LARGE1: variants seen among roughly 807,000 people sequenced by gnomAD.
LARGE1 encodes the protein xylosyl- and glucuronyltransferase LARGE1.
In LARGE1, 43 loss-of-function variants were observed where a neutral mutation model predicts 87.6. The ratio of observed to expected loss-of-function variants is 0.49; its 90% CI spans 0.38 to 0.63. The LOEUF (loss-of-function observed/expected upper bound fraction) is 0.63, where lower values mean the gene tolerates loss of function less well. Ranked by LOEUF, LARGE1 falls within the 30% of genes least tolerant of loss-of-function variation. The pLI is 0.00. For synonymous variants in LARGE1, 434 were observed against 394.6 expected, an observed-to-expected ratio of 1.10 and a Z score of -1.18; for missense variants, 802 against 1,000.2, an observed-to-expected ratio of 0.80 and a Z score of 2.67.
intron 2 of LARGE1, among the ~76,000 whole-genome samples, chr22:33,746,811 G>C (rs1490245398): frequency 6.6e-6 from 1 of 152,194 alleles, no homozygotes; most frequent in Admixed American, 6.5e-5. Flanking sequence ...TACCATGCTG[G>C]TTATTATTAA....
intron 11 of LARGE1, among the ~76,000 whole-genome samples, chr22:33,178,371 C>T (rs573932246): frequency 5.3e-5 from 8 of 152,018 alleles, no homozygotes; most frequent in Non-Finnish European, 1.2e-4. Flanking sequence ...TCCTGGAATC[C>T]ACCAGTTTTG....
intron 11 of LARGE1, among the ~76,000 whole-genome samples, chr22:33,212,814 G>A (rs1403777706): frequency 1.3e-5 from 2 of 152,020 alleles, no homozygotes; most frequent in East Asian, 3.9e-4. Flanking sequence ...TCAGGAGATC[G>A]AGACCATCCT....
intron 3 of LARGE1, among the ~76,000 whole-genome samples, chr22:33,644,021 C>G (rs560243741): frequency 2.0e-5 from 3 of 151,922 alleles, no homozygotes; most frequent in Non-Finnish European, 4.4e-5. Flanking sequence ...GAAACTATTC[C>G]AAAAATAAAA....
At chr22:33,795,957 C>T (rs916029460) in intron 1 of LARGE1, among the ~76,000 whole-genome samples, 1 of 150,468 alleles carries the variant, frequency 6.6e-6, no homozygotes, top group Non-Finnish European at 1.5e-5. Context: ...ATGTAACAAA[C>T]CTGCATATTG....
intron 1 of LARGE1, among the ~76,000 whole-genome samples, chr22:33,829,009 T>TC (rs1315850717): frequency 1.8e-3 from 173 of 97,900 alleles, no homozygotes; most frequent in Middle Eastern, 6.0e-3. Flanking sequence ...TCTTTTTCTT[T>TC]TTTTTTTTTT....
chr22:33,380,650 C>T (rs1451826292), intron 9 of LARGE1, among the ~76,000 whole-genome samples: 2 of 152,126 alleles, frequency 1.3e-5, no homozygotes, highest in Non-Finnish European at 1.5e-5. Context: ...ATTTAACATG[C>T]GTTATGACTA....
chr22:33,856,117 G>C (rs758026673), intron 1 of LARGE1, among the ~76,000 whole-genome samples: 1 of 152,076 alleles, frequency 6.6e-6, no homozygotes, highest in Non-Finnish European at 1.5e-5. Context: ...GGGGTTTAGG[G>C]GACAGCAGAA....
chr22:33,687,960 C>T (rs958107935), intron 2 of LARGE1, among the ~76,000 whole-genome samples: 5 of 152,186 alleles, frequency 3.3e-5, no homozygotes, highest in African/African-American at 1.2e-4. Context: ...TCCCTAGACC[C>T]ACCACAACCT....
At chr22:33,405,938 T>C (rs1481839655) in intron 7 of LARGE1, among the ~76,000 whole-genome samples, 3 of 152,176 alleles carry the variant, frequency 2.0e-5, no homozygotes, top group Non-Finnish European at 4.4e-5. Context: ...AATCAGAGTC[T>C]GGAATCTTCG....
chr22:33,302,186 C>A (rs1258369140), intron 12 of LARGE1, among the ~76,000 whole-genome samples: 1 of 152,236 alleles, frequency 6.6e-6, no homozygotes, highest in Admixed American at 6.5e-5. Flanking sequence ...AGGCTGCAAG[C>A]CCCGTCTGGC....
intron 7 of LARGE1, among the ~76,000 whole-genome samples, chr22:33,405,817 A>G (rs1388657644): frequency 1.3e-5 from 2 of 152,336 alleles, no homozygotes; most frequent in East Asian, 3.9e-4. Context: ...TAGTACAACA[A>G]TGGGCCCTTA....
intron 2 of LARGE1, among the ~76,000 whole-genome samples, chr22:33,700,812 A>T (rs1046986042): frequency 1.2e-4 from 18 of 152,206 alleles, no homozygotes; most frequent in African/African-American, 3.6e-4. Context: ...TTGTTCTGGG[A>T]AGAGTGGGTA....
intron 2 of LARGE1, among the ~76,000 whole-genome samples, chr22:33,675,317 AAG>A (rs1555992402): frequency 7.5e-5 from 11 of 147,356 alleles, no homozygotes; most frequent in African/African-American, 2.5e-4. Context: ...AAAAAAAAAA[AAG>A]AACACAAGAG....
intron 6 of LARGE1, among the ~76,000 whole-genome samples, chr22:33,503,603 A>G (rs939225824): frequency 6.6e-6 from 1 of 152,092 alleles, no homozygotes; most frequent in African/African-American, 2.4e-5. Context: ...GTTTGAGACC[A>G]GCCTGGCCAA....
At chr22:33,221,029 A>G (rs1925430771) in intron 11 of LARGE1, among the ~76,000 whole-genome samples, 1 of 152,058 alleles carries the variant, frequency 6.6e-6, no homozygotes, top group Admixed American at 6.5e-5. Context: ...GGACCCCCAC[A>G]GGAAGATTCC....
chr22:33,549,298 G>A (rs960631797), intron 6 of LARGE1, among the ~76,000 whole-genome samples: 2 of 152,166 alleles, frequency 1.3e-5, no homozygotes, highest in Non-Finnish European at 2.9e-5. Flanking sequence ...CTATGTATAT[G>A]CATTTAGGAG....
the LARGE1 span, among the ~76,000 whole-genome samples, chr22:33,078,512 G>A: frequency 1.3e-5 from 2 of 152,162 alleles, no homozygotes; most frequent in African/African-American, 4.8e-5. Context: ...TCGAGGCACA[G>A]AAAAATAAGT....
At chr22:33,860,246 C>T (rs1045328283) in intron 1 of LARGE1, among the ~76,000 whole-genome samples, 1 of 152,162 alleles carries the variant, frequency 6.6e-6, no homozygotes, top group Non-Finnish European at 1.5e-5. Context: ...ACCGCTTCAG[C>T]TTCCCAAAGT....
At chr22:33,798,623 C>T (rs575484145) in intron 1 of LARGE1, among the ~76,000 whole-genome samples, 1 of 152,194 alleles carries the variant, frequency 6.6e-6, no homozygotes, top group East Asian at 1.9e-4. Flanking sequence ...CTGCTCCAAA[C>T]CCCGGACATA....
Sources: allele counts gnomAD v4.1 joint callset (sites outside exome capture counted in the v4.1 genomes callset), GRCh38; gene constraint gnomAD v4.1.1; transcripts MANE v1.5; gene names NCBI Gene and HGNC (gene_info 2026-07-23, HGNC 2026-07-21).